Variants in CHST15 observed in about 807,000 individuals in gnomAD.
CHST15 encodes carbohydrate sulfotransferase 15.
CHST15 carries 30 observed loss-of-function variants against 53.6 expected under a neutral mutation model. The ratio of observed to expected loss-of-function variants is 0.56; its 90% CI spans 0.42 to 0.76. The LOEUF is 0.76. Ranked by LOEUF, CHST15 falls within the 30% of genes least tolerant of loss-of-function variation. The pLI is 0.00. For synonymous variants in CHST15, 296 were observed against 289.8 expected, an observed-to-expected ratio of 1.02 and a Z score of -0.22; for missense variants, 627 against 740.5, an observed-to-expected ratio of 0.85 and a Z score of 1.78.
At chr10:124,082,000 A>C (rs905681793) in intron 1 of CHST15, among the ~76,000 whole-genome samples, 20 of 152,294 alleles carry the variant, frequency 1.3e-4, no homozygotes, top group African/African-American at 4.8e-4. Context: ...GCAGGGGAGA[A>C]AGAACTAGAA....
intron 1 of CHST15, among the ~76,000 whole-genome samples, chr10:124,056,979 G>T (rs1014575380): frequency 5.3e-5 from 8 of 150,150 alleles, no homozygotes; most frequent in Non-Finnish European, 1.2e-4. Context: ...TTTGACCCAG[G>T]CCTGCCTGTA....
chr10:124,020,503 A>G, intron 6 of CHST15: 1 of 985,552 alleles, frequency 1.0e-6, no homozygotes, highest in Non-Finnish European at 1.2e-6. Flanking sequence ...GAGGGGGCAG[A>G]GCCTCTTGGC....
At position 124,044,680 on chromosome 10, in the gene CHST15, G is replaced by C; in HGVS notation, c.786C>G (p.Pro262=). ...CLPHFYIIGQ[P]KCGTTDLYDR... ...CATAGAGGTCTGTGGTCCCGCACTT[G>C]GGCTGCCCTATGATGTAGAAGTGCG... Residue 262 remains proline (P), a synonymous_variant, in exon 3 of 8, where the codon CCC becomes CCG. Transcript: ENST00000435907. 5 of 1,613,708 alleles carry C rather than the reference G, an allele frequency of 3.1e-6. No homozygotes were observed. Among genetic ancestry groups the C allele is most frequent in the Non-Finnish European group, 4.2e-6 (5 of 1,179,822 alleles).
At chr10:124,034,895 ACCC>A (rs1416080098) in intron 5 of CHST15, among the ~76,000 whole-genome samples, 1 of 112,818 alleles carries the variant, frequency 8.9e-6, no homozygotes, top group Non-Finnish European at 1.8e-5. Context: ...CCCTGGCTCT[ACCC>A]CTGATAGGTA....
In CHST15 at chr10:124,038,613, G is replaced by A; in HGVS notation, c.1092C>T (p.Asn364=). 1 of 1,614,164 alleles carries A rather than the reference G, an allele frequency of 6.2e-7. No homozygotes were observed. Among genetic ancestry groups the A allele is most frequent in the Non-Finnish European group, 8.5e-7 (1 of 1,180,032 alleles). ...DNNAWTFFYD[N]STDGEPPFLT... Reference sequence around the variant, plus strand: ...GAAACGGTGGCTCGCCATCCGTGCTGTTGTCGTAGAAGAACGTCCAGGCAT... The same window carrying A: ...GAAACGGTGGCTCGCCATCCGTGCTATTGTCGTAGAAGAACGTCCAGGCAT... Residue 364 remains asparagine (N), a synonymous_variant, in exon 5 of 8, where the codon AAC becomes AAT. Coordinates refer to ENST00000435907, the MANE Select transcript of CHST15 (RefSeq NM_001270764.2).
At chr10:124,066,288 G>T (rs61863978) in intron 1 of CHST15, among the ~76,000 whole-genome samples, 13,456 of 152,084 alleles carry the variant, frequency 0.088, 844 homozygotes, top group Non-Finnish European at 0.12. Flanking sequence ...AGGCTGAAAT[G>T]GAAAGAAAGA....
Position 124,072,945 on chromosome 10 carries a change from G to A in CHST15, c.-513+20524C>T, listed in dbSNP as rs913863748. Among the ~76,000 whole-genome samples, 4 of 152,126 alleles carry A rather than the reference G, an allele frequency of 2.6e-5. No individual in the cohort carries two copies. In the South Asian group the frequency reaches 8.3e-4, roughly 32 times the overall value. On this transcript the variant is annotated intron_variant, in intron 1 of 7. Coordinates refer to ENST00000435907, the MANE Select transcript of CHST15 (RefSeq NM_001270764.2). ...GGGAACTTGGGCAGAGGACAAAAGG[G>A]AGTCAGTCTCACCTTACATTTTTTC...
At chr10:124,080,517 G>A (rs1048609061) in intron 1 of CHST15, among the ~76,000 whole-genome samples, 12 of 152,156 alleles carry the variant, frequency 7.9e-5, no homozygotes, top group African/African-American at 2.9e-4. Context: ...TGAGCACTGG[G>A]ACCCTGTGTG....
Position 124,008,879 on chromosome 10 carries a change from C to T in CHST15, c.*1270G>A, listed in dbSNP as rs981682362. On this transcript the variant is annotated 3_prime_UTR_variant, in exon 8 of 8. Transcript: ENST00000435907. ...AATCTTCCCTGTGACTTCCAAGAAA[C>T]GACAAGATCTCTAGCCCATCCATCG... 1.6e-5 allele frequency: 20 copies of T among 1,275,374 alleles called. No individual in the cohort carries two copies. Among genetic ancestry groups the T allele is most frequent in the African/African-American group, 3.0e-5 (2 of 65,610 alleles). The allele number at this position is 1,275,374 out of a possible 1,614,324, so 79.0% of individuals were successfully genotyped here.
intron 7 of CHST15, chr10:124,010,692 G>A (rs1658337236): frequency 5.1e-6 from 5 of 985,462 alleles, no homozygotes; most frequent in Non-Finnish European, 6.0e-6. Context: ...TTGGAGGAAC[G>A]TGCGGCCTGC....
In CHST15 at chr10:124,009,385, T is replaced by C. The variant is rs1157889669; in HGVS notation, c.*764A>G. Reference sequence around the variant, plus strand: ...TGGTTTTGTTTTAAACGCATTCATTTTCTATGTTAAACATAAGTCCACAAG... The same window carrying C: ...TGGTTTTGTTTTAAACGCATTCATTCTCTATGTTAAACATAAGTCCACAAG... On this transcript the variant is annotated 3_prime_UTR_variant, in exon 8 of 8. Transcript: ENST00000435907. 1 of 1,010,636 alleles carries C rather than the reference T, an allele frequency of 9.9e-7. No homozygotes were observed. The allele number at this position is 1,010,636 out of a possible 1,614,324, so 62.6% of individuals were successfully genotyped here.
chr10:124,080,158 C>T (rs1224455865), intron 1 of CHST15, among the ~76,000 whole-genome samples: 13 of 152,198 alleles, frequency 8.5e-5, no homozygotes, highest in Admixed American at 6.5e-4. Context: ...CACCCAGAGA[C>T]GGGACGGGGA....
At chr10:124,087,567 A>G (rs1949470343) in intron 1 of CHST15, among the ~76,000 whole-genome samples, 1 of 152,208 alleles carries the variant, frequency 6.6e-6, no homozygotes, top group African/African-American at 2.4e-5. Flanking sequence ...GAAAGTGTCC[A>G]AGTTTCCATT....
chr10:124,021,779 A>G (rs1946799604), intron 5 of CHST15, among the ~76,000 whole-genome samples: 1 of 152,214 alleles, frequency 6.6e-6, no homozygotes, highest in African/African-American at 2.4e-5. Flanking sequence ...TGAAAATTTT[A>G]TGCACCTTCT....
intron 1 of CHST15, among the ~76,000 whole-genome samples, chr10:124,081,036 G>A (rs983795136): frequency 1.3e-5 from 2 of 152,192 alleles, no homozygotes; most frequent in African/African-American, 4.8e-5. Flanking sequence ...GGGCCACTGT[G>A]GGGATGAGAA....
In CHST15 at chr10:124,044,632, C is replaced by T. The variant is rs146440479; in HGVS notation, c.834G>A (p.Glu278=). The change falls in exon 3 of 8, where the codon GAG becomes GAA. Residue 278 remains glutamate, a synonymous_variant. Transcript: ENST00000435907. ...GCTCCTTGATGGCGGAGAACTTGACCTCAGGGTGCAGCCGCAGGCGGTCAT... is the reference window on the plus strand; with the variant it reads ...GCTCCTTGATGGCGGAGAACTTGACTTCAGGGTGCAGCCGCAGGCGGTCAT... ...DLYDRLRLHP[E]VKFSAIKEPH... 170 of 1,595,334 alleles carry T rather than the reference C, an allele frequency of 1.1e-4. No individual in the cohort carries two copies. The East Asian group carries it at 3.4e-3, about 32-fold the overall frequency.
At chr10:124,089,787 T>A (rs1292285035) in intron 1 of CHST15, among the ~76,000 whole-genome samples, 7 of 152,214 alleles carry the variant, frequency 4.6e-5, no homozygotes, top group Admixed American at 6.5e-5. Flanking sequence ...CTGGACCATT[T>A]GTCTGTCTAC....
At chr10:124,028,410 A>G (rs1008373548) in intron 5 of CHST15, among the ~76,000 whole-genome samples, 9 of 152,226 alleles carry the variant, frequency 5.9e-5, no homozygotes, top group East Asian at 1.9e-4. Context: ...ACCTCTCCCC[A>G]TAGTGGGTTC....
intron 2 of CHST15, among the ~76,000 whole-genome samples, chr10:124,045,441 C>G (rs1486090726): frequency 6.6e-6 from 1 of 152,194 alleles, no homozygotes; most frequent in Non-Finnish European, 1.5e-5. Flanking sequence ...TTGAACATGC[C>G]TAGCCCAGCG....
Sources: allele counts gnomAD v4.1 joint callset (sites outside exome capture counted in the v4.1 genomes callset), GRCh38; gene constraint gnomAD v4.1.1; transcripts MANE v1.5; gene names NCBI Gene and HGNC (gene_info 2026-07-23, HGNC 2026-07-21).